Variants in NAA16 observed in about 807,000 individuals in gnomAD.
The protein encoded by NAA16 is N-alpha-acetyltransferase 16, NatA auxiliary subunit, also known as NARG1-like protein.
NAA16 carries 97 observed loss-of-function variants against 110.3 expected under a neutral mutation model. The observed-to-expected ratio is 0.88, with a 90% CI of 0.75 to 1.04. The LOEUF (loss-of-function observed/expected upper bound fraction) is 1.04. Ranked by LOEUF, NAA16 falls within the 50% of genes least tolerant of loss-of-function variation. The pLI is 0.00. For missense variants in NAA16, 1,017 were observed against 1,005.1 expected (o/e 1.01, Z -0.16); for synonymous variants, 372 against 330.6 (o/e 1.13, Z -1.36).
At chr13:41,375,265 C>T (rs1250291523) in intron 19 of NAA16, 140 bp from the exon 20 acceptor site, 1 of 584,574 alleles carries the variant, frequency 1.7e-6, no homozygotes, top group East Asian at 2.9e-5. Flanking sequence ...GAGGTGATTG[C>T]TTACTGTGTA....
Position 41,323,090 on chromosome 13 carries a change from C to T in NAA16, c.437C>T (p.Thr146Ile). Residue 146 changes from threonine to isoleucine, a missense_variant, in exon 5 of 20, where the codon ACA becomes ATA. Thr to Ile is a moderately conservative substitution (Grantham distance 89). Coordinates refer to ENST00000379406, the MANE Select transcript of NAA16 (RefSeq NM_024561.5). The stretch of plus-strand genomic sequence containing the variant: ...TACCAGCTTCTTCAGTTGCGCCCCA[C>T]ACAGCGTGCCTCCTGGATTGGATAT... The part of the protein sequence containing the change: ...TRYQLLQLRP[T>I]QRASWIGYAI... 6.2e-7 allele frequency: 1 copy of T among 1,614,124 alleles called. No homozygotes were observed. The highest frequency in any genetic ancestry group is 1.1e-5 in the South Asian group (1 of 91,082).
rs1405228014 is a variant in NAA16 at position 41,328,754 on chromosome 13, A to G, written c.722A>G (p.Lys241Arg). Residue 241 changes from lysine (K) to arginine (R), a missense_variant, in exon 7 of 20, where the codon AAA (lysine) becomes AGA (arginine). Coordinates refer to ENST00000379406, the MANE Select transcript of NAA16 (RefSeq NM_024561.5). ...ATACTGTTGAAATTGGGAAGATTAA[A>G]AGAAGCCAGTGAAGTGTTCAAAAAC... ...GEILLKLGRL[K>R]EASEVFKNLI... The G allele has an allele frequency of 6.2e-7, 1 of 1,608,548 alleles. No homozygotes were observed. The highest frequency in any genetic ancestry group is 8.5e-7 in the Non-Finnish European group (1 of 1,175,812).
chr13:41,351,107 T>C (rs1422848257), intron 9 of NAA16, among the ~76,000 whole-genome samples: 1 of 152,228 alleles, frequency 6.6e-6, no homozygotes, highest in Admixed American at 6.5e-5. Flanking sequence ...TCCATTGAAG[T>C]TGGACATCAG....
rs1354200355 is a variant in NAA16, at chr13:41,329,012, CTTAAGTGT to C, written c.811+170_811+177del. On this transcript the variant is annotated intron_variant, in intron 7 of 19. Transcript: ENST00000379406. ...GTAAAAATGAATTCAAATAGTTACA[CTTAAGTGT>C]AAGTGATTGCAGATATGTTAGGTTC... Among the ~76,000 whole-genome samples the C allele has an allele frequency of 4.6e-5, 7 of 152,034 alleles. 1 individual carries two copies. The highest frequency in any genetic ancestry group is 3.4e-3 in the Middle Eastern group (1 of 294).
At chr13:41,347,472 A>G (rs1452117012) in intron 9 of NAA16, among the ~76,000 whole-genome samples, 1 of 152,100 alleles carries the variant, frequency 6.6e-6, no homozygotes, top group African/African-American at 2.4e-5. Flanking sequence ...TATTAAGTCA[A>G]TCTTCGAACA....
At chr13:41,365,011 G>A (rs561287936) in intron 13 of NAA16, among the ~76,000 whole-genome samples, 2 of 152,106 alleles carry the variant, frequency 1.3e-5, no homozygotes, top group Non-Finnish European at 2.9e-5. Context: ...AGCTGTGAAC[G>A]GCTTTTCTTA....
intron 10 of NAA16, among the ~76,000 whole-genome samples, chr13:41,355,516 G>A (rs759771998): frequency 5.9e-5 from 9 of 152,102 alleles, no homozygotes; most frequent in Non-Finnish European, 1.2e-4. Context: ...TGCAACCTCC[G>A]CCTCCTGGGT....
chr13:41,362,972 T>C, intron 13 of NAA16: 1 of 913,118 alleles, frequency 1.1e-6, no homozygotes, highest in Non-Finnish European at 1.4e-6. Flanking sequence ...AGGGGGTGGC[T>C]TTTGATGGGG....
chr13:41,371,146 A>G (rs2043308393), intron 15 of NAA16, among the ~76,000 whole-genome samples: 1 of 152,354 alleles, frequency 6.6e-6, no homozygotes. Context: ...AGAGGAATTA[A>G]TAGAAGGCAA....
At chr13:41,367,745 G>T (rs2043236075) in intron 14 of NAA16, 93 bp downstream of exon 14, 3 of 798,424 alleles carry the variant, frequency 3.8e-6, no homozygotes, top group Non-Finnish European at 5.6e-6. Context: ...TTAATATATT[G>T]TCTGTTGGAG....
At chr13:41,327,482 GC>G (rs1241359239) in intron 6 of NAA16, among the ~76,000 whole-genome samples, 2 of 150,874 alleles carry the variant, frequency 1.3e-5, no homozygotes, top group Non-Finnish European at 3.0e-5. Context: ...AATAGGGAAT[GC>G]AGTTAGGTTA....
chr13:41,337,600 A>T (rs371545731), intron 9 of NAA16, among the ~76,000 whole-genome samples: 1 of 152,168 alleles, frequency 6.6e-6, no homozygotes. Context: ...TAAATTAGAA[A>T]GATAATTAAA....
At position 41,311,541 on chromosome 13, in the gene NAA16, C is replaced by G; in HGVS notation, c.13C>G (p.Leu5Val). MPNV[L>V]LPPKESNLFK... ...CCTGCCGGCCACGATGCCGAACGTG[C>G]TGCTGCCGCCCAAGGAGAGCAACCT... The change falls in exon 1 of 20, where the codon CTG becomes GTG. Residue 5 changes from leucine (L) to valine (V), a missense_variant. By Grantham distance (32) the Leu-to-Val change is conservative. Transcript: ENST00000379406. The G allele has an allele frequency of 1.9e-6, 3 of 1,606,862 alleles. No homozygotes were observed. The highest frequency in any genetic ancestry group is 2.2e-5 in the South Asian group (2 of 89,692).
chr13:41,313,145 G>GA (rs993275945), intron 1 of NAA16, among the ~76,000 whole-genome samples: 17 of 151,890 alleles, frequency 1.1e-4, no homozygotes, highest in African/African-American at 3.9e-4. Flanking sequence ...GTGTCATAAG[G>GA]AAAAAGTTAC....
intron 6 of NAA16, 95 bp downstream of exon 6, chr13:41,325,946 TATCTGGC>T: frequency 3.0e-6 from 3 of 1,007,774 alleles, no homozygotes; most frequent in Non-Finnish European, 4.2e-6. Flanking sequence ...AGTTGTTATG[TATCTGGC>T]AAGGTTCCAA....
Position 41,311,473 on chromosome 13 carries a change from G to C in NAA16, c.-56G>C, listed in dbSNP as rs1593373203. 1 of 1,537,846 alleles carries C rather than the reference G, an allele frequency of 6.5e-7. No individual in the cohort carries two copies. The highest frequency in any genetic ancestry group is 8.8e-7 in the Non-Finnish European group (1 of 1,134,338). On this transcript the variant is annotated 5_prime_UTR_variant, in exon 1 of 20. Coordinates refer to ENST00000379406, the MANE Select transcript of NAA16 (RefSeq NM_024561.5). ...GTCCCGGTGCCCACCCCCGCGAAGCGGAGCGCCCGGGCACCTAGCCTCCCT... is the reference window on the plus strand; with the variant it reads ...GTCCCGGTGCCCACCCCCGCGAAGCCGAGCGCCCGGGCACCTAGCCTCCCT...
intron 13 of NAA16, 78 bp downstream of exon 13, chr13:41,362,237 G>C: frequency 6.9e-7 from 1 of 1,443,608 alleles, no homozygotes; most frequent in Non-Finnish European, 9.3e-7. Flanking sequence ...AGGATCATCT[G>C]CCTCTTCTAA....
intron 9 of NAA16, among the ~76,000 whole-genome samples, chr13:41,353,260 G>GT (rs1318617554): frequency 6.6e-6 from 1 of 152,158 alleles, no homozygotes; most frequent in African/African-American, 2.4e-5. Flanking sequence ...GCCTTTATAA[G>GT]TTTAACAACT....
chr13:41,311,893 C>A (rs1035600392), intron 1 of NAA16, among the ~76,000 whole-genome samples: 4 of 152,246 alleles, frequency 2.6e-5, no homozygotes, highest in African/African-American at 9.6e-5. Context: ...TAGTGGCTGC[C>A]GTGCTCTCTG....
Sources: gnomAD v4.1 joint callset for allele counts (sites outside exome capture counted in the v4.1 genomes callset) on GRCh38, gnomAD v4.1.1 for gene constraint, MANE v1.5 for transcripts, NCBI Gene and HGNC (gene_info 2026-07-23, HGNC 2026-07-21) for gene names.